Variants in RALYL observed in about 807,000 individuals in gnomAD.
The protein encoded by RALYL is RALY RNA binding protein like, also known as RNA-binding Raly-like protein.
A neutral mutation model predicts 35.1 loss-of-function variants in RALYL; 29 were observed. That is an observed-to-expected ratio of 0.83 (90% CI 0.61 to 1.13). RALYL has a LOEUF of 1.13. Among genes scored for constraint, RALYL ranks in the 50% most tolerant of loss-of-function variants. The pLI is 0.00. For missense variants in RALYL, 359 were observed against 360.4 expected (o/e 1.00, Z 0.03); for synonymous variants, 120 against 127.6 (o/e 0.94, Z 0.40).
intron 1 of RALYL, among the ~76,000 whole-genome samples, chr8:84,438,746 A>T (rs2048009192): frequency 6.6e-6 from 1 of 151,992 alleles, no homozygotes; most frequent in African/African-American, 2.4e-5. Context: ...ATCCATCTTA[A>T]GTTAATTTTT....
intron 8 of RALYL, among the ~76,000 whole-genome samples, chr8:84,896,251 G>T (rs1337650656): frequency 6.6e-6 from 1 of 152,130 alleles, no homozygotes. Context: ...CATTAAAGTT[G>T]CAAGGACAAT....
At chr8:84,791,171 T>C (rs1182265145) in intron 3 of RALYL, among the ~76,000 whole-genome samples, 1 of 152,150 alleles carries the variant, frequency 6.6e-6, no homozygotes, top group African/African-American at 2.4e-5. Flanking sequence ...CTGCAATTTT[T>C]TATAGGGTGC....
chr8:84,566,427 A>G (rs999621565), intron 2 of RALYL, among the ~76,000 whole-genome samples: 3 of 151,720 alleles, frequency 2.0e-5, no homozygotes, highest in African/African-American at 7.2e-5. Context: ...TCAGCAAGCT[A>G]CAACAAAGCC....
chr8:84,543,673 GA>G (rs1440493000), intron 2 of RALYL, among the ~76,000 whole-genome samples: 3 of 151,972 alleles, frequency 2.0e-5, no homozygotes, highest in Non-Finnish European at 4.4e-5. Context: ...CTTTGGCTTT[GA>G]CACCATATTT....
intron 2 of RALYL, among the ~76,000 whole-genome samples, chr8:84,689,818 CTGA>C (rs1216343840): frequency 1.3e-5 from 2 of 152,090 alleles, no homozygotes; most frequent in African/African-American, 4.8e-5. Flanking sequence ...TTGCATTTCT[CTGA>C]TGGCCAGTGA....
chr8:84,370,903 A>G (rs1403497841), intron 1 of RALYL, among the ~76,000 whole-genome samples: 1 of 152,004 alleles, frequency 6.6e-6, no homozygotes, highest in Non-Finnish European at 1.5e-5. Flanking sequence ...AAAGTGAGAC[A>G]AAGACAGTTT....
chr8:84,268,217 G>A (rs906205573), intron 1 of RALYL, among the ~76,000 whole-genome samples: 1 of 152,098 alleles, frequency 6.6e-6, no homozygotes, highest in African/African-American at 2.4e-5. Flanking sequence ...GAGACTCAAC[G>A]AGACAGTCAG....
chr8:84,714,525 CTA>C (rs1342696899), intron 2 of RALYL, among the ~76,000 whole-genome samples: 1 of 151,242 alleles, frequency 6.6e-6, no homozygotes, highest in Non-Finnish European at 1.5e-5. Context: ...AATCAATAAA[CTA>C]AAATAAAATA....
chr8:84,891,462 A>G (rs10097414), intron 8 of RALYL, among the ~76,000 whole-genome samples: 69,585 of 151,936 alleles, frequency 0.46, 18,954 homozygotes, highest in African/African-American at 0.75. Flanking sequence ...AGCAAGGCTT[A>G]ACCATACAGT....
intron 3 of RALYL, among the ~76,000 whole-genome samples, chr8:84,788,222 A>T (rs771372852): frequency 2.0e-5 from 3 of 152,076 alleles, no homozygotes; most frequent in African/African-American, 7.2e-5. Context: ...GGTCCAAAAC[A>T]GCATGGTACT....
chr8:84,236,322 G>A (rs987713545), intron 1 of RALYL, among the ~76,000 whole-genome samples: 5 of 152,146 alleles, frequency 3.3e-5, no homozygotes, highest in Non-Finnish European at 5.9e-5. Context: ...CAAAATTTAT[G>A]TTAAGCACAG....
At chr8:84,333,164 A>G (rs1847152023) in intron 1 of RALYL, among the ~76,000 whole-genome samples, 1 of 152,248 alleles carries the variant, frequency 6.6e-6, no homozygotes, top group East Asian at 1.9e-4. Context: ...TTTAATGTTG[A>G]ATTAACACTT....
At chr8:84,767,174 G>A (rs1173310337) in intron 2 of RALYL, among the ~76,000 whole-genome samples, 1 of 152,156 alleles carries the variant, frequency 6.6e-6, no homozygotes, top group East Asian at 1.9e-4. Flanking sequence ...TAGTATTCTG[G>A]TGGATGACAC....
intron 7 of RALYL, among the ~76,000 whole-genome samples, chr8:84,884,786 A>G (rs1219171546): frequency 6.6e-6 from 1 of 152,130 alleles, no homozygotes; most frequent in Non-Finnish European, 1.5e-5. Flanking sequence ...TTTTCACTGT[A>G]CAGAATTATA....
At chr8:84,382,366 C>G (rs1858200770) in intron 1 of RALYL, among the ~76,000 whole-genome samples, 1 of 151,454 alleles carries the variant, frequency 6.6e-6, no homozygotes, top group South Asian at 2.1e-4. Flanking sequence ...GTTCATCTTG[C>G]AAAAATCTGC....
chr8:84,378,221 G>A (rs755400556), intron 1 of RALYL, among the ~76,000 whole-genome samples: 5 of 151,858 alleles, frequency 3.3e-5, no homozygotes, highest in African/African-American at 9.7e-5. Context: ...ATTTTAATGT[G>A]TGCCAATAAA....
chr8:84,751,043 G>A (rs138478627), intron 2 of RALYL, among the ~76,000 whole-genome samples: 2 of 152,172 alleles, frequency 1.3e-5, no homozygotes, highest in Non-Finnish European at 2.9e-5. Flanking sequence ...TTGAGAAACT[G>A]TTAGTCCTTT....
chr8:84,621,423 C>T lies in RALYL; in HGVS notation c.256+91846C>T, dbSNP rs189875403. On this transcript the variant is annotated intron_variant, in intron 2 of 8. Coordinates refer to ENST00000521268, the MANE Select transcript of RALYL (RefSeq NM_173848.7). ...GGAACTCCCTGACCCCTTGCACTTCCGGAGTGAGGCAATGCCTCACCCTGC... is the reference window on the plus strand; with the variant it reads ...GGAACTCCCTGACCCCTTGCACTTCTGGAGTGAGGCAATGCCTCACCCTGC... Among the ~76,000 whole-genome samples, 354 of 152,294 alleles carry T rather than the reference C, an allele frequency of 2.3e-3. 5 individuals carry two copies. The highest frequency in any genetic ancestry group is 5.8e-3 in the Admixed American group (89 of 15,304).
At chr8:84,381,964 T>C (rs1294776547) in intron 1 of RALYL, among the ~76,000 whole-genome samples, 1 of 151,838 alleles carries the variant, frequency 6.6e-6, no homozygotes, top group Non-Finnish European at 1.5e-5. Context: ...GTTGATAATA[T>C]AAATTTTATT....
Sources: gnomAD v4.1 joint callset for allele counts (sites outside exome capture counted in the v4.1 genomes callset) on GRCh38, gnomAD v4.1.1 for gene constraint, MANE v1.5 for transcripts, NCBI Gene and HGNC (gene_info 2026-07-23, HGNC 2026-07-21) for gene names.